ASIC2: variants seen among roughly 807,000 people sequenced by gnomAD.
ASIC2 encodes the protein acid sensing ion channel subunit 2, also known as acid-sensing ion channel 2.
A neutral mutation model predicts 57.3 loss-of-function variants in ASIC2; 25 were observed. The observed-to-expected ratio is 0.44, with a 90% CI of 0.32 to 0.61. The LOEUF (loss-of-function observed/expected upper bound fraction) is 0.61. ASIC2 is among the 20% of genes least tolerant of loss of function. The pLI, the probability that ASIC2 is intolerant of heterozygous loss-of-function variation, is 0.06. For synonymous variants in ASIC2, 319 were observed against 307.5 expected, an observed-to-expected ratio of 1.04 and a Z score of -0.39; for missense variants, 641 against 738.1, an observed-to-expected ratio of 0.87 and a Z score of 1.52.
At chr17:33,511,431 A>G (rs1212765536) in intron 1 of ASIC2, among the ~76,000 whole-genome samples, 2 of 151,976 alleles carry the variant, frequency 1.3e-5, no homozygotes, top group Admixed American at 6.6e-5. Flanking sequence ...CCCTACCTCT[A>G]TTCTTGCTCC....
chr17:34,090,836 G>A (rs934258299), intron 1 of ASIC2, among the ~76,000 whole-genome samples: 5 of 152,270 alleles, frequency 3.3e-5, no homozygotes, highest in Non-Finnish European at 5.9e-5. Context: ...CACCTCTTCC[G>A]CTTTTATTCC....
chr17:34,056,951 G>A (rs913654645), intron 1 of ASIC2, among the ~76,000 whole-genome samples: 4 of 152,170 alleles, frequency 2.6e-5, no homozygotes, highest in African/African-American at 9.6e-5. Context: ...TAAATACCCT[G>A]GGGGAAATGT....
At position 33,424,847 on chromosome 17, in the gene ASIC2, G is replaced by A. The variant is rs116063475; in HGVS notation, c.556-312780C>T. On this transcript the variant is annotated intron_variant, in intron 1 of 9. Coordinates refer to the ASIC2 transcript ENST00000359872. ...ATACCTGACCCTGTCTCCTAGGGGCGGGCCAGGATCTCAGTCCTCTCTCCA... is the reference window on the plus strand; with the variant it reads ...ATACCTGACCCTGTCTCCTAGGGGCAGGCCAGGATCTCAGTCCTCTCTCCA... Among the ~76,000 whole-genome samples the A allele has an allele frequency of 4.7e-3, 720 of 152,136 alleles. 5 individuals carry two copies. Among genetic ancestry groups the A allele is most frequent in the African/African-American group, 0.017 (691 of 41,470 alleles).
intron 1 of ASIC2, among the ~76,000 whole-genome samples, chr17:33,845,098 T>C (rs1263827639): frequency 2.6e-5 from 4 of 152,216 alleles, no homozygotes. Flanking sequence ...TGTCCAGTCA[T>C]AAAGTACCTA....
In ASIC2 at chr17:34,129,082, C is replaced by T. The variant is rs117279989; in HGVS notation, c.555+26896G>A. ...GCCTGACCCCCTACCCTCGAGAGCA[C>T]GGGCTCATGAACTATGAGAATAAAA... On this transcript the variant is annotated intron_variant, in intron 1 of 9. Coordinates refer to the ASIC2 transcript ENST00000359872. Among the ~76,000 whole-genome samples the T allele has an allele frequency of 9.6e-3, 1,460 of 152,244 alleles. 6 individuals are homozygous for T. Among genetic ancestry groups the T allele is most frequent in the Non-Finnish European group, 0.014 (977 of 68,016 alleles).
intron 1 of ASIC2, among the ~76,000 whole-genome samples, chr17:33,384,022 T>C (rs1004826962): frequency 1.3e-5 from 2 of 152,050 alleles, no homozygotes; most frequent in African/African-American, 4.8e-5. Context: ...GTAGAGGAAC[T>C]AGAAGGAAGG....
intron 1 of ASIC2, among the ~76,000 whole-genome samples, chr17:33,404,638 C>T (rs950624346): frequency 3.9e-5 from 6 of 152,108 alleles, no homozygotes; most frequent in Non-Finnish European, 8.8e-5. Flanking sequence ...TTGAGTTGAG[C>T]GACATTAAGA....
chr17:33,691,001 G>A (rs1387986335), intron 1 of ASIC2, among the ~76,000 whole-genome samples: 2 of 151,802 alleles, frequency 1.3e-5, no homozygotes, highest in South Asian at 2.1e-4. Flanking sequence ...TGCCCATCTC[G>A]GCCTCCCAAA....
rs75863778 is a variant in ASIC2, at chr17:33,264,086, C to T, written c.708+27322G>A. Among the ~76,000 whole-genome samples, 1,033 of 152,302 alleles carry T rather than the reference C, an allele frequency of 6.8e-3. 10 individuals are homozygous for T. The highest frequency in any genetic ancestry group is 0.047 in the East Asian group (245 of 5,178). ...TATAAAGCCCACCTCACAACGTTAT[C>T]GTGATGGTTGAGTGACACAATGTGA... On this transcript the variant is annotated intron_variant, in intron 1 of 9. Coordinates refer to ENST00000225823, the MANE Select transcript of ASIC2 (RefSeq NM_183377.2).
In ASIC2 at chr17:34,102,811, T is replaced by C. The variant is rs545510769; in HGVS notation, c.555+53167A>G. Among the ~76,000 whole-genome samples the C allele has an allele frequency of 2.0e-5, 3 of 152,356 alleles. No individual in the cohort carries two copies. The South Asian group carries it at 6.2e-4, about 32-fold the overall frequency. On this transcript the variant is annotated intron_variant, in intron 1 of 9. Coordinates refer to the ASIC2 transcript ENST00000359872. ...TCATACGGTACTTTTTGTAGGTATT[T>C]GTTTGCATTTCTCTTGGATTAAGGA... is the stretch of plus-strand genomic sequence containing the variant.
In ASIC2 at chr17:34,049,716, C is replaced by T. The variant is rs556153972; in HGVS notation, c.555+106262G>A. Reference sequence around the variant, plus strand: ...TGCAGTTCCTTTCAACTCAAAGTCCCTCTCTCTGCCTCTATTCATCTGATC... The same window carrying T: ...TGCAGTTCCTTTCAACTCAAAGTCCTTCTCTCTGCCTCTATTCATCTGATC... On this transcript the variant is annotated intron_variant, in intron 1 of 9. Coordinates refer to the ASIC2 transcript ENST00000359872. Among the ~76,000 whole-genome samples the T allele has an allele frequency of 9.2e-5, 14 of 152,284 alleles. No homozygotes were observed. In the South Asian group the frequency reaches 2.3e-3, roughly 25 times the overall value.
intron 1 of ASIC2, among the ~76,000 whole-genome samples, chr17:33,929,694 C>A (rs1915891307): frequency 6.6e-6 from 1 of 152,190 alleles, no homozygotes; most frequent in Admixed American, 6.5e-5. Flanking sequence ...CTGACTCTGG[C>A]CTTCCTGTCT....
chr17:34,147,528 T>C (rs1337015196), intron 1 of ASIC2, among the ~76,000 whole-genome samples: 1 of 152,222 alleles, frequency 6.6e-6, no homozygotes, highest in African/African-American at 2.4e-5. Flanking sequence ...ATCAGAGAAT[T>C]TCAATTTATC....
chr17:33,153,216 C>T (rs906215969), intron 1 of ASIC2, among the ~76,000 whole-genome samples: 1 of 152,244 alleles, frequency 6.6e-6, no homozygotes, highest in Non-Finnish European at 1.5e-5. Flanking sequence ...CATGGGCACC[C>T]AGGGCCCCCA....
At chr17:33,246,873 A>T (rs1464618638) in intron 1 of ASIC2, among the ~76,000 whole-genome samples, 2 of 152,128 alleles carry the variant, frequency 1.3e-5, no homozygotes, top group African/African-American at 4.8e-5. Context: ...TCTGATTCTC[A>T]TTGAGGGTTC....
At chr17:33,472,543 C>A (rs1173807698) in intron 1 of ASIC2, among the ~76,000 whole-genome samples, 2 of 152,204 alleles carry the variant, frequency 1.3e-5, no homozygotes, top group Admixed American at 6.5e-5. Context: ...TAAAACTCAT[C>A]TTCCTTTGAC....
At chr17:34,058,830 G>A (rs769685676) in intron 1 of ASIC2, among the ~76,000 whole-genome samples, 12 of 152,110 alleles carry the variant, frequency 7.9e-5, no homozygotes, top group East Asian at 1.9e-4. Flanking sequence ...GCCAAATACC[G>A]CACTAAGCAT....
chr17:33,513,796 C>T (rs369303826), intron 1 of ASIC2, among the ~76,000 whole-genome samples: 4 of 152,220 alleles, frequency 2.6e-5, no homozygotes, highest in African/African-American at 7.2e-5. Context: ...GGTTCAAAGG[C>T]GGCACCTTCC....
At chr17:34,042,144 C>T (rs1287628905) in intron 1 of ASIC2, among the ~76,000 whole-genome samples, 2 of 152,138 alleles carry the variant, frequency 1.3e-5, no homozygotes, top group Non-Finnish European at 2.9e-5. Flanking sequence ...AATGGTACAA[C>T]CACTTTGGAA....
Sources: allele counts gnomAD v4.1 joint callset (sites outside exome capture counted in the v4.1 genomes callset), GRCh38; gene constraint gnomAD v4.1.1; transcripts MANE v1.5; gene names NCBI Gene and HGNC (gene_info 2026-07-23, HGNC 2026-07-21).